Variants in GRID2 observed in about 807,000 individuals in gnomAD.
GRID2 encodes glutamate receptor ionotropic, delta-2.
GRID2 carries 33 observed loss-of-function variants against 114.8 expected under a neutral mutation model. The observed-to-expected ratio is 0.29, with a 90% CI of 0.22 to 0.38. The LOEUF is 0.38. Ranked by LOEUF, GRID2 falls within the 10% of genes least tolerant of loss-of-function variation. The pLI is 1.00. For synonymous variants in GRID2, 505 were observed against 449.9 expected, an observed-to-expected ratio of 1.12 and a Z score of -1.55; for missense variants, 1,184 against 1,257.7, an observed-to-expected ratio of 0.94 and a Z score of 0.89.
chr4:93,744,416 A>G (rs541685362), intron 14 of GRID2, among the ~76,000 whole-genome samples: 4 of 152,348 alleles, frequency 2.6e-5, no homozygotes, highest in East Asian at 1.9e-4. Flanking sequence ...ATCAACATCA[A>G]CAAGAGTTGG....
At chr4:92,824,296 T>C (rs950563420) in intron 2 of GRID2, among the ~76,000 whole-genome samples, 1 of 152,172 alleles carries the variant, frequency 6.6e-6, no homozygotes, top group Non-Finnish European at 1.5e-5. Flanking sequence ...TTGAAAAATA[T>C]ATGATCTTTT....
chr4:92,918,264 G>A (rs1284827766), intron 2 of GRID2, among the ~76,000 whole-genome samples: 1 of 152,120 alleles, frequency 6.6e-6, no homozygotes, highest in East Asian at 1.9e-4. Context: ...GAGACGATGG[G>A]ATTTTCTAGA....
chr4:93,326,201 C>T (rs1011594278), intron 8 of GRID2, among the ~76,000 whole-genome samples: 5 of 151,936 alleles, frequency 3.3e-5, no homozygotes, highest in African/African-American at 7.3e-5. Flanking sequence ...TTGGAAGTGC[C>T]GAAGAAGTGG....
chr4:93,336,251 T>G (rs1479254632), intron 8 of GRID2, among the ~76,000 whole-genome samples: 1 of 152,170 alleles, frequency 6.6e-6, no homozygotes, highest in Admixed American at 6.5e-5. Flanking sequence ...ACCCCCAAAT[T>G]TATACCATTA....
chr4:92,360,571 A>T (rs1173775605), intron 1 of GRID2, among the ~76,000 whole-genome samples: 5 of 152,060 alleles, frequency 3.3e-5, no homozygotes, highest in Admixed American at 3.3e-4. Flanking sequence ...AATTTAAAGC[A>T]ATGAGAGACA....
chr4:93,495,569 A>C lies in GRID2; in HGVS notation c.1997+4792A>C, dbSNP rs568487092. 3.7e-3 allele frequency among the ~76,000 whole-genome samples: 566 copies of C among 151,870 alleles called. 6 individuals carry two copies. Among genetic ancestry groups the C allele is most frequent in the Admixed American group, 8.4e-3 (127 of 15,198 alleles). On this transcript the variant is annotated intron_variant, in intron 12 of 15. Transcript: ENST00000282020. ...GGAATTTGGAATTTTTCCTGGAGGT[A>C]ATGGAGAGTGACGTTGTAGAAAGAC... is the stretch of plus-strand genomic sequence containing the variant.
At chr4:93,176,501 T>C (rs1015754153) in intron 4 of GRID2, among the ~76,000 whole-genome samples, 1 of 152,198 alleles carries the variant, frequency 6.6e-6, no homozygotes, top group East Asian at 1.9e-4. Context: ...ATTTCACATT[T>C]CTGTCAGTAG....
intron 8 of GRID2, among the ~76,000 whole-genome samples, chr4:93,316,365 GAAAA>G (rs578010027): frequency 9.5e-6 from 1 of 104,798 alleles, no homozygotes; most frequent in Non-Finnish European, 1.9e-5. Flanking sequence ...GGAAGGAAAA[GAAAA>G]AGAAAGAAAG....
chr4:93,491,442 A>G (rs988477318), intron 12 of GRID2, among the ~76,000 whole-genome samples: 5 of 151,858 alleles, frequency 3.3e-5, no homozygotes, highest in Non-Finnish European at 7.4e-5. Context: ...CCATTTCCGT[A>G]AGCCCGTGGA....
At chr4:92,633,323 A>G (rs1284371822) in intron 2 of GRID2, among the ~76,000 whole-genome samples, 1 of 152,178 alleles carries the variant, frequency 6.6e-6, no homozygotes, top group African/African-American at 2.4e-5. Context: ...AGCTTTATGA[A>G]AATACAACTT....
intron 8 of GRID2, among the ~76,000 whole-genome samples, chr4:93,359,764 T>A (rs1319283984): frequency 8.1e-5 from 10 of 123,454 alleles, no homozygotes; most frequent in African/African-American, 3.0e-4. Context: ...TCCAACATCA[T>A]GGATAGCGCT....
At chr4:92,333,262 C>T (rs769434308) in intron 1 of GRID2, among the ~76,000 whole-genome samples, 7 of 152,184 alleles carry the variant, frequency 4.6e-5, no homozygotes, top group East Asian at 3.9e-4. Context: ...ACTGGAGCCA[C>T]GATTAGGGGT....
Position 92,819,594 on chromosome 4 carries a change from G to A in GRID2, c.244+229308G>A, listed in dbSNP as rs556834919. ...GCATGTAAAATACTTAGTATTTGGA[G>A]TCAGTTTAATTAATGGTCATTCTTA... On this transcript the variant is annotated intron_variant, in intron 2 of 15. Transcript: ENST00000282020. Among the ~76,000 whole-genome samples, 4 of 152,050 alleles carry A rather than the reference G, an allele frequency of 2.6e-5. No individual in the cohort carries two copies. The South Asian group carries it at 8.3e-4, about 32-fold the overall frequency.
chr4:92,511,165 G>A (rs1423250494), intron 1 of GRID2, among the ~76,000 whole-genome samples: 1 of 151,742 alleles, frequency 6.6e-6, no homozygotes, highest in Admixed American at 6.6e-5. Context: ...TAGCTTCTAG[G>A]CAGGCCTTAG....
At chr4:92,837,318 A>G (rs1281716247) in intron 2 of GRID2, among the ~76,000 whole-genome samples, 2 of 152,016 alleles carry the variant, frequency 1.3e-5, no homozygotes, top group Non-Finnish European at 2.9e-5. Context: ...ACAAGTTTCA[A>G]GCTTTAAGAC....
chr4:93,532,735 T>C (rs1416335325), intron 13 of GRID2, among the ~76,000 whole-genome samples: 1 of 152,200 alleles, frequency 6.6e-6, no homozygotes, highest in Non-Finnish European at 1.5e-5. Flanking sequence ...ATAATAATTA[T>C]ATGCAAATTT....
At chr4:92,824,327 G>T (rs1029022562) in intron 2 of GRID2, among the ~76,000 whole-genome samples, 8 of 151,966 alleles carry the variant, frequency 5.3e-5, no homozygotes, top group African/African-American at 1.9e-4. Flanking sequence ...AAATGTTTAA[G>T]TCTCTGCTGT....
chr4:92,338,649 G>A (rs1280887423), intron 1 of GRID2, among the ~76,000 whole-genome samples: 1 of 151,942 alleles, frequency 6.6e-6, no homozygotes, highest in African/African-American at 2.4e-5. Flanking sequence ...CTAAAACATT[G>A]TATGGTAAAA....
chr4:93,354,025 A>G (rs369100065), intron 8 of GRID2, among the ~76,000 whole-genome samples: 161 of 133,142 alleles, frequency 1.2e-3, no homozygotes, highest in African/African-American at 3.6e-3. Flanking sequence ...ACACACATGC[A>G]CACACACACA....
Sources: allele counts gnomAD v4.1 joint callset (sites outside exome capture counted in the v4.1 genomes callset), GRCh38; gene constraint gnomAD v4.1.1; transcripts MANE v1.5; gene names NCBI Gene and HGNC (gene_info 2026-07-23, HGNC 2026-07-21).